The following PPP1R9A variants were observed in gnomAD, a reference collection of about 807,000 sequenced individuals.
The protein encoded by PPP1R9A is protein phosphatase 1 regulatory subunit 9A.
Under a neutral mutation model 141.9 loss-of-function variants are expected in PPP1R9A, and 59 were observed. The ratio of observed to expected loss-of-function variants is 0.42; its 90% CI spans 0.34 to 0.52. The LOEUF is 0.52. PPP1R9A is among the 20% of genes least tolerant of loss of function. The probability of loss-of-function intolerance (pLI) is 0.10; values close to 1 mark genes in which losing one functional copy is unlikely to be tolerated. For missense variants in PPP1R9A, 1,444 were observed against 1,611.9 expected (o/e 0.90, Z 1.78); for synonymous variants, 500 against 569.7 (o/e 0.88, Z 1.74).
At chr7:94,934,502 T>G (rs1794529475) in intron 2 of PPP1R9A, among the ~76,000 whole-genome samples, 1 of 152,166 alleles carries the variant, frequency 6.6e-6, no homozygotes, top group Non-Finnish European at 1.5e-5. Context: ...AACATTTTTT[T>G]TTTTTGTCAA....
intron 16 of PPP1R9A, among the ~76,000 whole-genome samples, chr7:95,276,368 A>G (rs1247304902): frequency 6.6e-6 from 1 of 152,176 alleles, no homozygotes. Flanking sequence ...TGCCCACCTC[A>G]CTATAGGCAA....
chr7:95,261,673 TTTACAAACTTTA>T (rs1800450697), intron 12 of PPP1R9A, among the ~76,000 whole-genome samples: 1 of 152,152 alleles, frequency 6.6e-6, no homozygotes, highest in South Asian at 2.1e-4. Flanking sequence ...TTATTATTTA[TTTACAAACTTTA>T]TTACAAACTA....
intron 2 of PPP1R9A, among the ~76,000 whole-genome samples, chr7:94,991,716 G>A (rs1186000526): frequency 1.3e-5 from 2 of 151,952 alleles, no homozygotes; most frequent in Non-Finnish European, 2.9e-5. Context: ...CAGTGGCGTG[G>A]TCATGGCTCA....
intron 8 of PPP1R9A, among the ~76,000 whole-genome samples, chr7:95,231,722 C>T (rs1221644441): frequency 1.3e-5 from 2 of 151,984 alleles, no homozygotes; most frequent in Non-Finnish European, 2.9e-5. Flanking sequence ...CCTGTCAAAA[C>T]CTCTGGGATA....
At chr7:95,275,546 T>C (rs972653772) in intron 16 of PPP1R9A, among the ~76,000 whole-genome samples, 1 of 152,240 alleles carries the variant, frequency 6.6e-6, no homozygotes, top group African/African-American at 2.4e-5. Context: ...TTGCTCCTCC[T>C]GTGTAGATGT....
At chr7:94,957,598 G>A (rs73423092) in intron 2 of PPP1R9A, among the ~76,000 whole-genome samples, 153 of 152,152 alleles carry the variant, frequency 1.0e-3, no homozygotes, top group African/African-American at 3.6e-3. Context: ...TTTTCCAAAT[G>A]CTGACTGTTA....
chr7:95,237,931 T>C (rs1585401023), intron 8 of PPP1R9A, among the ~76,000 whole-genome samples: 1 of 152,172 alleles, frequency 6.6e-6, no homozygotes, highest in East Asian at 1.9e-4. Context: ...TATTTCTTTT[T>C]TAAGTCTTTC....
intron 7 of PPP1R9A, among the ~76,000 whole-genome samples, chr7:95,221,878 A>G (rs188092599): frequency 2.6e-4 from 40 of 152,224 alleles, no homozygotes; most frequent in Admixed American, 1.3e-4. Flanking sequence ...CAGCAGACCC[A>G]TAAGCCAAGA....
At chr7:95,148,438 G>A (rs1219234057) in intron 4 of PPP1R9A, among the ~76,000 whole-genome samples, 1 of 152,096 alleles carries the variant, frequency 6.6e-6, no homozygotes, top group African/African-American at 2.4e-5. Flanking sequence ...GTGCCCACAA[G>A]TTTGACAACC....
chr7:95,118,586 T>C (rs1213592943), intron 3 of PPP1R9A, among the ~76,000 whole-genome samples: 2 of 152,162 alleles, frequency 1.3e-5, no homozygotes, highest in African/African-American at 4.8e-5. Context: ...AATAAAGATA[T>C]AAGATTGTCA....
chr7:95,295,714 A>T lies in PPP1R9A; in HGVS notation c.*5411A>T, dbSNP rs1807012668. The T allele has an allele frequency of 6.6e-6, 1 of 152,202 alleles. No homozygotes were observed. The highest frequency in any genetic ancestry group is 2.4e-5 in the African/African-American group (1 of 41,452). The allele number at this position is 152,202 out of a possible 1,614,324, so 9.4% of individuals were successfully genotyped here. A position where few individuals can be genotyped will look rare whatever the true frequency, so the allele number is the denominator to read the frequency against. ...TATACACCCAGGTTTTCTGTTAAGG[A>T]TGTAATCATTCATTCAAGAAAGAAC... On this transcript the variant is annotated 3_prime_UTR_variant, in exon 20 of 20. Transcript: ENST00000433360.
At chr7:95,020,359 T>G (rs1221759952) in intron 2 of PPP1R9A, among the ~76,000 whole-genome samples, 1 of 152,180 alleles carries the variant, frequency 6.6e-6, no homozygotes, top group Non-Finnish European at 1.5e-5. Context: ...GTCAATAAAA[T>G]TTAAAACGAA....
chr7:94,960,169 CTTTT>C (rs545105548), intron 2 of PPP1R9A, among the ~76,000 whole-genome samples: 1 of 139,532 alleles, frequency 7.2e-6, no homozygotes, highest in Non-Finnish European at 1.6e-5. Context: ...CTCTCTCTCT[CTTTT>C]TTTTTTTTTT....
chr7:94,980,182 TAAAA>T (rs71292968), intron 2 of PPP1R9A, among the ~76,000 whole-genome samples: 2 of 126,154 alleles, frequency 1.6e-5, no homozygotes, highest in Non-Finnish European at 3.3e-5. Flanking sequence ...GCTGATGAGC[TAAAA>T]AAAAAAAAAA....
intron 2 of PPP1R9A, among the ~76,000 whole-genome samples, chr7:95,093,056 A>T (rs1199058720): frequency 6.6e-6 from 1 of 152,186 alleles, no homozygotes; most frequent in Non-Finnish European, 1.5e-5. Flanking sequence ...GGTGGAGATG[A>T]CATGCCATGC....
intron 6 of PPP1R9A, among the ~76,000 whole-genome samples, chr7:95,202,807 T>C (rs1789871494): frequency 6.6e-6 from 1 of 152,086 alleles, no homozygotes; most frequent in African/African-American, 2.4e-5. Flanking sequence ...TTATGCCGTT[T>C]GAAATGCTGC....
At chr7:95,083,587 A>C (rs917527204) in intron 2 of PPP1R9A, among the ~76,000 whole-genome samples, 7 of 151,940 alleles carry the variant, frequency 4.6e-5, no homozygotes, top group African/African-American at 1.7e-4. Context: ...ACTAGGAAAC[A>C]TAGTGGTTCC....
At chr7:95,222,700 C>T (rs1794627946) in intron 7 of PPP1R9A, among the ~76,000 whole-genome samples, 1 of 151,954 alleles carries the variant, frequency 6.6e-6, no homozygotes, top group Non-Finnish European at 1.5e-5. Context: ...AGAAATAGAG[C>T]TAGATACCAA....
intron 2 of PPP1R9A, among the ~76,000 whole-genome samples, chr7:94,997,856 CT>C (rs1802390502): frequency 6.6e-6 from 1 of 152,100 alleles, no homozygotes; most frequent in African/African-American, 2.4e-5. Flanking sequence ...CTGCTGTGAT[CT>C]ACTTGGGATT....
Sources: allele counts gnomAD v4.1 joint callset (sites outside exome capture counted in the v4.1 genomes callset), GRCh38; gene constraint gnomAD v4.1.1; transcripts MANE v1.5; gene names NCBI Gene and HGNC (gene_info 2026-07-23, HGNC 2026-07-21).